Variants in SH3GL2 observed in about 807,000 individuals in gnomAD.
The protein encoded by SH3GL2 is SH3 domain containing GRB2 like 2, endophilin A1.
SH3GL2 carries 24 observed loss-of-function variants against 46.0 expected under a neutral mutation model. That is an observed-to-expected ratio of 0.52 (90% CI 0.38 to 0.73). SH3GL2 has a LOEUF of 0.73. Among genes scored for constraint, SH3GL2 ranks in the 30% least tolerant of loss-of-function variants. The pLI is 0.00. For synonymous variants in SH3GL2, 196 were observed against 147.1 expected, an observed-to-expected ratio of 1.33 and a Z score of -2.40; for missense variants, 413 against 424.2, an observed-to-expected ratio of 0.97 and a Z score of 0.23.
chr9:17,601,739 C>T (rs746518563), intron 1 of SH3GL2, among the ~76,000 whole-genome samples: 24 of 152,074 alleles, frequency 1.6e-4, no homozygotes, highest in Non-Finnish European at 2.8e-4. Flanking sequence ...AGCTGAAGTA[C>T]GTTTTAGGTC....
intron 1 of SH3GL2, among the ~76,000 whole-genome samples, chr9:17,615,637 C>T (rs922611374): frequency 7.8e-6 from 1 of 128,174 alleles, no homozygotes; most frequent in East Asian, 2.4e-4. Context: ...CCCGGGTGAC[C>T]GACAGAGCGA....
chr9:17,731,375 A>AC (rs201493162), intron 1 of SH3GL2, among the ~76,000 whole-genome samples: 8 of 151,264 alleles, frequency 5.3e-5, no homozygotes, highest in African/African-American at 1.9e-4. Flanking sequence ...TTGTGCCCTT[A>AC]AAAGAAGAGG....
rs1819819093 is a variant in SH3GL2, at chr9:17,646,421, C to T, written c.45+67134C>T. 2.0e-5 allele frequency among the ~76,000 whole-genome samples: 3 copies of T among 152,018 alleles called. No homozygotes were observed. In the South Asian group the frequency reaches 6.2e-4, roughly 32 times the overall value. On this transcript the variant is annotated intron_variant, in intron 1 of 8. Transcript: ENST00000380607. Reference sequence around the variant, plus strand: ...CTGTCCAGTTTTGCTCCTTTGCTGGCAAGGAGTTGTGATCCTTTGGAGGAG... The same window carrying T: ...CTGTCCAGTTTTGCTCCTTTGCTGGTAAGGAGTTGTGATCCTTTGGAGGAG...
At chr9:17,795,090 A>G (rs954682301) in intron 8 of SH3GL2, among the ~76,000 whole-genome samples, 1 of 152,192 alleles carries the variant, frequency 6.6e-6, no homozygotes. Flanking sequence ...AGCATTCTCC[A>G]TGTAATTCAC....
intron 1 of SH3GL2, among the ~76,000 whole-genome samples, chr9:17,671,479 A>C (rs528219323): frequency 3.3e-4 from 50 of 152,262 alleles, no homozygotes; most frequent in Non-Finnish European, 6.6e-4. Flanking sequence ...AAATAACTAA[A>C]ACAGTATAAT....
chr9:17,786,385 C>T lies in SH3GL2; in HGVS notation c.192C>T (p.Ser64=), dbSNP rs997307991. 3 of 1,606,508 alleles carry T rather than the reference C, an allele frequency of 1.9e-6. No homozygotes were observed. Among genetic ancestry groups the T allele is most frequent in the Non-Finnish European group, 2.5e-6 (3 of 1,177,584 alleles). Residue 64 remains serine, a synonymous_variant, in exon 4 of 9, where the codon TCC becomes TCT. Transcript: ENST00000380607. ...TIEYLQPNPA[S]RAKLSMINTM... ...TTGTTCTCTCTTCACCTTCAGCTTC[C>T]AGAGCTAAGCTCAGCATGATCAACA...
intron 1 of SH3GL2, among the ~76,000 whole-genome samples, chr9:17,695,405 G>C (rs1051405498): frequency 6.6e-6 from 1 of 152,070 alleles, no homozygotes; most frequent in Non-Finnish European, 1.5e-5. Flanking sequence ...TTTCCAGGGG[G>C]TTAGAAACTT....
At chr9:17,699,345 T>G (rs1311473856) in intron 1 of SH3GL2, among the ~76,000 whole-genome samples, 2 of 152,032 alleles carry the variant, frequency 1.3e-5, no homozygotes, top group African/African-American at 4.8e-5. Context: ...AAACAAGCAG[T>G]CACAGCTTAT....
At chr9:17,728,187 T>C (rs1004565565) in intron 1 of SH3GL2, among the ~76,000 whole-genome samples, 1 of 152,192 alleles carries the variant, frequency 6.6e-6, no homozygotes, top group Non-Finnish European at 1.5e-5. Context: ...TTTCATTCTT[T>C]AGGAACCTGA....
intron 1 of SH3GL2, among the ~76,000 whole-genome samples, chr9:17,581,802 G>T (rs1355744637): frequency 6.6e-6 from 1 of 152,126 alleles, no homozygotes; most frequent in Non-Finnish European, 1.5e-5. Flanking sequence ...GTGTTCAGGC[G>T]ATTCTCCTGC....
At chr9:17,744,239 TAGGGA>T (rs2118514589) in intron 1 of SH3GL2, among the ~76,000 whole-genome samples, 1 of 152,210 alleles carries the variant, frequency 6.6e-6, no homozygotes, top group African/African-American at 2.4e-5. Flanking sequence ...AAATGAGAGA[TAGGGA>T]ATCAGTGTGA....
intron 1 of SH3GL2, among the ~76,000 whole-genome samples, chr9:17,667,938 C>T (rs992052771): frequency 6.6e-6 from 1 of 152,098 alleles, no homozygotes; most frequent in African/African-American, 2.4e-5. Context: ...GCATATTGGT[C>T]ATTTGTATGT....
At chr9:17,782,781 A>G (rs1823847817) in intron 3 of SH3GL2, among the ~76,000 whole-genome samples, 1 of 152,186 alleles carries the variant, frequency 6.6e-6, no homozygotes, top group African/African-American at 2.4e-5. Flanking sequence ...AAATGTTTAA[A>G]TGAAGTAATT....
intron 1 of SH3GL2, among the ~76,000 whole-genome samples, chr9:17,708,152 G>C (rs1216114023): frequency 6.6e-6 from 1 of 151,970 alleles, no homozygotes. Context: ...CTGTTCCCAA[G>C]GTCTTGGCTT....
chr9:17,688,244 C>G (rs1032407383), intron 1 of SH3GL2, among the ~76,000 whole-genome samples: 5 of 151,928 alleles, frequency 3.3e-5, no homozygotes, highest in African/African-American at 1.2e-4. Flanking sequence ...ATGTGGCAGC[C>G]TTTTTGGCCA....
intron 1 of SH3GL2, among the ~76,000 whole-genome samples, chr9:17,618,778 C>G (rs1819063772): frequency 7.2e-6 from 1 of 138,774 alleles, no homozygotes; most frequent in Non-Finnish European, 1.5e-5. Flanking sequence ...AAATTTTTGC[C>G]AAATTTGGCT....
At chr9:17,776,851 A>T (rs904552445) in intron 3 of SH3GL2, among the ~76,000 whole-genome samples, 1 of 152,134 alleles carries the variant, frequency 6.6e-6, no homozygotes, top group African/African-American at 2.4e-5. Flanking sequence ...TGTGTCTCAC[A>T]TGGCCATTTT....
intron 1 of SH3GL2, among the ~76,000 whole-genome samples, chr9:17,703,641 G>T (rs1018113408): frequency 2.6e-5 from 4 of 151,992 alleles, no homozygotes; most frequent in African/African-American, 9.7e-5. Flanking sequence ...ATGCAAGGTT[G>T]GTTCAACATA....
rs950824683 is a variant in SH3GL2 at position 17,746,502 on chromosome 9, A to G, written c.46-564A>G. 3.3e-5 allele frequency among the ~76,000 whole-genome samples: 5 copies of G among 152,210 alleles called. No homozygotes were observed. In the South Asian group the frequency reaches 6.2e-4, roughly 19 times the overall value. On this transcript the variant is annotated intron_variant, in intron 1 of 8. Transcript: ENST00000380607. ...AAAGAAATGCCTTCAACAGCTTTCTATATGTTTTGGCTTATGTACTTAAGG... is the reference window on the plus strand; with the variant it reads ...AAAGAAATGCCTTCAACAGCTTTCTGTATGTTTTGGCTTATGTACTTAAGG...
Sources: allele counts gnomAD v4.1 joint callset (sites outside exome capture counted in the v4.1 genomes callset), GRCh38; gene constraint gnomAD v4.1.1; transcripts MANE v1.5; gene names NCBI Gene and HGNC (gene_info 2026-07-23, HGNC 2026-07-21).